Variants in SPAG16 observed in about 807,000 individuals in gnomAD.
SPAG16 encodes the protein sperm associated antigen 16.
A neutral mutation model predicts 80.4 loss-of-function variants in SPAG16; 86 were observed. The observed-to-expected ratio is 1.07, with a 90% CI of 0.90 to 1.28. The LOEUF (loss-of-function observed/expected upper bound fraction) is 1.28, where lower values mean the gene tolerates loss of function less well. SPAG16 is among the 50% of genes most tolerant of loss of function. The pLI, the probability that SPAG16 is intolerant of heterozygous loss-of-function variation, is 0.00. For synonymous variants in SPAG16, 294 were observed against 265.9 expected (o/e 1.11, Z -1.03); for missense variants, 870 against 765.3 (o/e 1.14, Z -1.61).
rs1383819179 is a variant in SPAG16, at chr2:213,909,230, A to G, written c.1215-20730A>G. Reference sequence around the variant, plus strand: ...CCACTGCTCAATGAAATAAAAGAGGATACAAAGAAATGGAAGAACATTCCA... The same window carrying G: ...CCACTGCTCAATGAAATAAAAGAGGGTACAAAGAAATGGAAGAACATTCCA... On this transcript the variant is annotated intron_variant, in intron 11 of 15. Transcript: ENST00000331683. Among the ~76,000 whole-genome samples, 3 of 152,282 alleles carry G rather than the reference A, an allele frequency of 2.0e-5. No homozygotes were observed. The East Asian group carries it at 5.8e-4, about 29-fold the overall frequency.
intron 10 of SPAG16, among the ~76,000 whole-genome samples, chr2:213,692,476 C>A (rs2064981806): frequency 6.6e-6 from 1 of 152,144 alleles, no homozygotes; most frequent in Non-Finnish European, 1.5e-5. Context: ...ACAGCTCAAA[C>A]TGCTTTCTGT....
At chr2:213,706,617 G>A (rs1468671508) in intron 10 of SPAG16, among the ~76,000 whole-genome samples, 1 of 152,154 alleles carries the variant, frequency 6.6e-6, no homozygotes, top group African/African-American at 2.4e-5. Flanking sequence ...AGATTTTTCT[G>A]AAATCAAAAT....
chr2:213,662,311 C>CTAA (rs954089641), intron 10 of SPAG16, among the ~76,000 whole-genome samples: 2 of 151,944 alleles, frequency 1.3e-5, no homozygotes, highest in African/African-American at 4.8e-5. Flanking sequence ...AAAGGATTAG[C>CTAA]CTATGCAAGA....
At chr2:213,822,546 T>G (rs1008569764) in intron 10 of SPAG16, among the ~76,000 whole-genome samples, 2 of 152,190 alleles carry the variant, frequency 1.3e-5, no homozygotes, top group African/African-American at 4.8e-5. Flanking sequence ...GTGATCTGAT[T>G]TGTTTACTTT....
chr2:213,614,793 T>G (rs574644537), intron 10 of SPAG16, among the ~76,000 whole-genome samples: 1 of 152,374 alleles, frequency 6.6e-6, no homozygotes, highest in African/African-American at 2.4e-5. Context: ...AATACTGCAC[T>G]GTTGGTACAT....
chr2:213,583,907 A>G (rs1222004740), intron 10 of SPAG16, among the ~76,000 whole-genome samples: 1 of 152,248 alleles, frequency 6.6e-6, no homozygotes, highest in Non-Finnish European at 1.5e-5. Flanking sequence ...TTCAAAAGGT[A>G]GCAATAAATT....
At chr2:213,794,158 G>T (rs1559474268) in intron 10 of SPAG16, among the ~76,000 whole-genome samples, 1 of 151,996 alleles carries the variant, frequency 6.6e-6, no homozygotes, top group African/African-American at 2.4e-5. Context: ...TTATTTTTTA[G>T]AACTCTCTTA....
chr2:213,968,774 T>C (rs116237456), intron 12 of SPAG16, among the ~76,000 whole-genome samples: 17 of 152,348 alleles, frequency 1.1e-4, no homozygotes, highest in African/African-American at 3.8e-4. Context: ...AAAATGTGAA[T>C]CATAATATAT....
intron 10 of SPAG16, among the ~76,000 whole-genome samples, chr2:213,572,313 T>C (rs1245689413): frequency 1.2e-5 from 1 of 84,988 alleles, no homozygotes; most frequent in Admixed American, 1.3e-4. Flanking sequence ...GGAGAGGCGC[T>C]CTGCGTTTTA....
intron 10 of SPAG16, among the ~76,000 whole-genome samples, chr2:213,614,651 C>T (rs190690468): frequency 3.7e-4 from 57 of 152,274 alleles, no homozygotes; most frequent in African/African-American, 1.3e-3. Flanking sequence ...TAGCAATAGT[C>T]CCACATAGGT....
At chr2:213,810,343 G>T (rs2072052738) in intron 10 of SPAG16, among the ~76,000 whole-genome samples, 1 of 152,168 alleles carries the variant, frequency 6.6e-6, no homozygotes, top group Admixed American at 6.5e-5. Context: ...CTGATGGAAA[G>T]AAAGAGTATG....
chr2:214,045,055 G>C (rs2049238041), intron 13 of SPAG16, among the ~76,000 whole-genome samples: 1 of 152,196 alleles, frequency 6.6e-6, no homozygotes, highest in Non-Finnish European at 1.5e-5. Context: ...TGAGACACCA[G>C]TCAGGGTGGT....
At chr2:213,915,759 T>C (rs2077928813) in intron 11 of SPAG16, among the ~76,000 whole-genome samples, 1 of 152,202 alleles carries the variant, frequency 6.6e-6, no homozygotes, top group Non-Finnish European at 1.5e-5. Context: ...CCTTCCTATT[T>C]CTTCACATCC....
At chr2:214,016,396 G>T (rs1246760749) in intron 13 of SPAG16, among the ~76,000 whole-genome samples, 1 of 152,054 alleles carries the variant, frequency 6.6e-6, no homozygotes, top group Non-Finnish European at 1.5e-5. Context: ...AACAGCATGG[G>T]AAAAACTCAC....
intron 15 of SPAG16, among the ~76,000 whole-genome samples, chr2:214,243,298 G>A (rs1438576806): frequency 6.6e-6 from 1 of 152,050 alleles, no homozygotes; most frequent in African/African-American, 2.4e-5. Context: ...CCCTTAAGAT[G>A]AACCAACGAT....
rs1691195610 is a variant in SPAG16, at chr2:214,261,739, A to T, written c.1720+112473A>T. 1.1e-4 allele frequency among the ~76,000 whole-genome samples: 17 copies of T among 152,284 alleles called. No homozygotes were observed. The South Asian group carries it at 3.3e-3, about 30-fold the overall frequency. ...CTATCATCTTGGATATAATAAACGA[A>T]GTGTAAATATATGTATATACCTGTA... is the stretch of plus-strand genomic sequence containing the variant. On this transcript the variant is annotated intron_variant, in intron 15 of 15. Coordinates refer to ENST00000331683, the MANE Select transcript of SPAG16 (RefSeq NM_024532.5).
intron 13 of SPAG16, among the ~76,000 whole-genome samples, chr2:214,072,315 C>T (rs1447786283): frequency 6.6e-6 from 1 of 152,050 alleles, no homozygotes; most frequent in East Asian, 1.9e-4. Flanking sequence ...AAAGCTGGTA[C>T]TATTTCTGAT....
intron 15 of SPAG16, among the ~76,000 whole-genome samples, chr2:214,213,698 T>C (rs1272166738): frequency 6.6e-6 from 1 of 152,186 alleles, no homozygotes; most frequent in Non-Finnish European, 1.5e-5. Context: ...CAGAGAAGGA[T>C]TGAGCCCAAT....
chr2:214,101,283 A>G (rs1035317035), intron 13 of SPAG16, among the ~76,000 whole-genome samples: 1 of 151,862 alleles, frequency 6.6e-6, no homozygotes, highest in African/African-American at 2.4e-5. Flanking sequence ...GTAAAAAACA[A>G]CCTCCAATTC....
Sources: allele counts gnomAD v4.1 joint callset (sites outside exome capture counted in the v4.1 genomes callset), GRCh38; gene constraint gnomAD v4.1.1; transcripts MANE v1.5; gene names NCBI Gene and HGNC (gene_info 2026-07-23, HGNC 2026-07-21).